CFAP54: variants seen among roughly 807,000 people sequenced by gnomAD.
The protein encoded by CFAP54 is cilia and flagella associated protein 54.
In CFAP54, 290 loss-of-function variants were observed where a neutral mutation model predicts 370.4. The ratio of observed to expected loss-of-function variants is 0.78; its 90% CI spans 0.71 to 0.86. The LOEUF is 0.86. Ranked by LOEUF, CFAP54 falls within the 40% of genes least tolerant of loss-of-function variation. The pLI is 0.00. For missense variants in CFAP54, 3,399 were observed against 3,528.7 expected (o/e 0.96, Z 0.93); for synonymous variants, 1,206 against 1,236.5 (o/e 0.98, Z 0.52).
At chr12:96,815,639 G>A (rs1237783095) in intron 64 of CFAP54, among the ~76,000 whole-genome samples, 1 of 152,142 alleles carries the variant, frequency 6.6e-6, no homozygotes, top group African/African-American at 2.4e-5. Flanking sequence ...CTTTGCCCAT[G>A]CCTGTGTCCT....
At chr12:96,816,351 T>G (rs1422158084) in intron 64 of CFAP54, among the ~76,000 whole-genome samples, 1 of 152,218 alleles carries the variant, frequency 6.6e-6, no homozygotes, top group African/African-American at 2.4e-5. Context: ...CACTCATGAT[T>G]TGGCTCTCTG....
chr12:96,546,508 T>G (rs939940385), intron 14 of CFAP54, among the ~76,000 whole-genome samples: 7 of 152,306 alleles, frequency 4.6e-5, no homozygotes, highest in African/African-American at 1.4e-4. Context: ...TTTTTCTACA[T>G]TATGCATTAC....
chr12:96,564,164 G>A (rs1955841229), intron 17 of CFAP54, among the ~76,000 whole-genome samples: 1 of 152,162 alleles, frequency 6.6e-6, no homozygotes, highest in Non-Finnish European at 1.5e-5. Context: ...CTGTGAAAAG[G>A]TAAAGTCAAC....
intron 67 of CFAP54, among the ~76,000 whole-genome samples, chr12:96,874,497 C>T (rs1357751416): frequency 2.0e-5 from 3 of 151,742 alleles, no homozygotes; most frequent in African/African-American, 7.3e-5. Context: ...TGGTTAATAT[C>T]AGGTTGCTTT....
At chr12:96,700,276 C>T (rs974828654) in intron 46 of CFAP54, among the ~76,000 whole-genome samples, 183 bp downstream of exon 46, 1 of 152,130 alleles carries the variant, frequency 6.6e-6, no homozygotes, top group Admixed American at 6.5e-5. Context: ...GGAAGAGTGT[C>T]ATGGGGGAGG....
At chr12:96,698,279 T>C (rs767300043) in intron 45 of CFAP54, among the ~76,000 whole-genome samples, 7 of 152,210 alleles carry the variant, frequency 4.6e-5, no homozygotes, top group Non-Finnish European at 1.0e-4. Context: ...CTGGATTATA[T>C]TCAAATTAAG....
chr12:96,720,438 A>C lies in CFAP54; in HGVS notation c.6838A>C (p.Asn2280His), dbSNP rs780909374. 1.9e-6 allele frequency: 3 copies of C among 1,584,204 alleles called. No individual in the cohort carries two copies. The highest frequency in any genetic ancestry group is 2.3e-5 in the East Asian group (1 of 42,582). Residue 2280 changes from asparagine (N) to histidine (H), a missense_variant, in exon 50 of 68, where the codon AAC (asparagine) becomes CAC (histidine). Coordinates refer to ENST00000524981, the MANE Select transcript of CFAP54 (RefSeq NM_001306084.2). ...MLLMEAEDRL[N>H]FLLSEVEQKT... ...ACTGATGGAAGCTGAGGACAGGCTA[A>C]ACTTCCTTCTGTCCGAGGTGGAACA...
intron 58 of CFAP54, among the ~76,000 whole-genome samples, chr12:96,761,635 G>T (rs996024199): frequency 7.2e-5 from 11 of 151,982 alleles, no homozygotes; most frequent in Non-Finnish European, 1.3e-4. Context: ...TTAAGTCTGT[G>T]ATCCATTTTG....
intron 50 of CFAP54, among the ~76,000 whole-genome samples, chr12:96,734,251 C>A (rs1342911529): frequency 1.3e-5 from 2 of 152,132 alleles, no homozygotes; most frequent in African/African-American, 4.8e-5. Context: ...TCTCTCCCCA[C>A]CTCTCCTGGC....
At chr12:96,540,720 C>T in intron 13 of CFAP54, 117 bp from the exon 14 acceptor site, 1 of 559,008 alleles carries the variant, frequency 1.8e-6, no homozygotes, top group Non-Finnish European at 2.8e-6. Flanking sequence ...ACCTGTGTAA[C>T]ATTTCCATAT....
intron 1 of CFAP54, among the ~76,000 whole-genome samples, chr12:96,496,542 G>A (rs974486287): frequency 6.6e-6 from 1 of 152,234 alleles, no homozygotes; most frequent in African/African-American, 2.4e-5. Flanking sequence ...TATCACAAAA[G>A]AGCAACCTCT....
intron 50 of CFAP54, among the ~76,000 whole-genome samples, chr12:96,733,788 T>C (rs2136631045): frequency 6.6e-6 from 1 of 152,340 alleles, no homozygotes; most frequent in Non-Finnish European, 1.5e-5. Context: ...TACTGGTATG[T>C]CTTATATTTT....
At position 96,538,543 on chromosome 12, in the gene CFAP54, C is replaced by T. The variant is rs367977544; in HGVS notation, c.1926+25C>T. 3.9e-5 allele frequency: 59 copies of T among 1,530,124 alleles called. 2 individuals carry two copies. The African/African-American group carries it at 4.1e-4, about 11-fold the overall frequency. The allele number at this position is 1,530,124 out of a possible 1,614,324, so 94.8% of individuals were successfully genotyped here. A position where few individuals can be genotyped will look rare whatever the true frequency, so the allele number is the denominator to read the frequency against. ...AGTATTCCTTTCGCATTCCCTTTCA[C>T]GTGTTTTTTTTGCTATTGCTTATTC... is the stretch of plus-strand genomic sequence containing the variant. On this transcript the variant is annotated intron_variant, in intron 13 of 67. Coordinates refer to ENST00000524981, the MANE Select transcript of CFAP54 (RefSeq NM_001306084.2).
intron 43 of CFAP54, among the ~76,000 whole-genome samples, chr12:96,690,300 G>GGATA (rs940682447): frequency 6.6e-6 from 1 of 152,064 alleles, no homozygotes; most frequent in African/African-American, 2.4e-5. Context: ...TTTTAGAATA[G>GGATA]GATATCTCAT....
At chr12:96,651,259 C>T (rs899616045) in intron 35 of CFAP54, among the ~76,000 whole-genome samples, 4 of 152,198 alleles carry the variant, frequency 2.6e-5, no homozygotes, top group Non-Finnish European at 4.4e-5. Context: ...TGAACGTAAG[C>T]AGCATGAGGG....
At chr12:96,687,869 C>T (rs1957344880) in intron 42 of CFAP54, among the ~76,000 whole-genome samples, 1 of 152,212 alleles carries the variant, frequency 6.6e-6, no homozygotes, top group Non-Finnish European at 1.5e-5. Flanking sequence ...CCAGAGGGCA[C>T]CTCCGCTTCT....
chr12:96,743,439 A>C lies in CFAP54; in HGVS notation c.7257A>C (p.Glu2419Asp). ...CAGATTGCCTGAGCCTCATCAATGA[A>C]GTGTGTATGGAGGCAAAAAGCGCAG... is the stretch of plus-strand genomic sequence containing the variant. ...DMTDCLSLIN[E>D]VCMEAKSAGD... Residue 2419 changes from glutamate (E) to aspartate (D), a missense_variant, in exon 53 of 68, where the codon GAA (glutamate) becomes GAC (aspartate). Physicochemically the swap from Glu to Asp is conservative, Grantham distance 45. This residue lies in a region of CFAP54 where 2,796 missense variants were observed against 2,869.7 expected (regional missense o/e 0.97). Transcript: ENST00000524981. 3 of 1,614,050 alleles carry C rather than the reference A, an allele frequency of 1.9e-6. No homozygotes were observed. Among genetic ancestry groups the C allele is most frequent in the South Asian group, 1.1e-5 (1 of 91,070 alleles).
At position 96,651,749 on chromosome 12, in the gene CFAP54, A is replaced by T; in HGVS notation, c.5034A>T (p.Pro1678=). ...GTTTCCTCTGCACCTCTGTTTTACC[A>T]TTCTATTTGGGAGCAGAATTACTTA... ...QDGFLCTSVL[P]FYLGAELLID... Residue 1678 remains proline, a synonymous_variant, in exon 36 of 68, where the codon CCA becomes CCT. Coordinates refer to ENST00000524981, the MANE Select transcript of CFAP54 (RefSeq NM_001306084.2). The T allele has an allele frequency of 1.2e-6, 2 of 1,613,752 alleles. No homozygotes were observed. The highest frequency in any genetic ancestry group is 1.7e-6 in the Non-Finnish European group (2 of 1,179,680).
At chr12:96,613,781 A>C (rs989180124) in intron 26 of CFAP54, among the ~76,000 whole-genome samples, 3 of 152,226 alleles carry the variant, frequency 2.0e-5, no homozygotes, top group Non-Finnish European at 4.4e-5. Context: ...GAAATGGATA[A>C]ATTCCTGGAC....
Sources: gnomAD v4.1 joint callset for allele counts (sites outside exome capture counted in the v4.1 genomes callset) on GRCh38, gnomAD v4.1.1 for gene constraint, gnomAD v4.1.1 regional missense constraint, MANE v1.5 for transcripts, NCBI Gene and HGNC (gene_info 2026-07-23, HGNC 2026-07-21) for gene names.